The following RSRC1 variants were observed in gnomAD, a reference collection of about 807,000 sequenced individuals.
RSRC1 encodes the protein serine/Arginine-related protein 53.
Under a neutral mutation model 49.1 loss-of-function variants are expected in RSRC1, and 39 were observed. The ratio of observed to expected loss-of-function variants is 0.79; its 90% confidence interval spans 0.61 to 1.04. RSRC1 has a LOEUF of 1.04. Ranked by LOEUF, RSRC1 falls within the 50% of genes least tolerant of loss-of-function variation. The probability of loss-of-function intolerance (pLI) is 0.00; values close to 1 mark genes in which losing one functional copy is unlikely to be tolerated. For synonymous variants in RSRC1, 143 were observed against 130.8 expected (o/e 1.09, Z -0.63); for missense variants, 388 against 402.4 (o/e 0.96, Z 0.31).
At chr3:158,153,074 A>T (rs189458989) in intron 3 of RSRC1, among the ~76,000 whole-genome samples, 1 of 152,152 alleles carries the variant, frequency 6.6e-6, no homozygotes, top group Non-Finnish European at 1.5e-5. Flanking sequence ...TTTCCAGACA[A>T]CCTACCTCTG....
chr3:158,282,735 A>T (rs1726255881), intron 4 of RSRC1, among the ~76,000 whole-genome samples: 2 of 152,198 alleles, frequency 1.3e-5, no homozygotes, highest in African/African-American at 4.8e-5. Context: ...TTTGAGAAGA[A>T]GAGAATCTTG....
At chr3:158,331,210 A>G (rs1419371290) in intron 5 of RSRC1, among the ~76,000 whole-genome samples, 1 of 152,232 alleles carries the variant, frequency 6.6e-6, no homozygotes, top group Non-Finnish European at 1.5e-5. Flanking sequence ...CCATATCAAC[A>G]TCATTGGCTA....
chr3:158,153,325 A>G (rs1447042142), intron 3 of RSRC1, among the ~76,000 whole-genome samples: 1 of 152,164 alleles, frequency 6.6e-6, no homozygotes, highest in East Asian at 1.9e-4. Context: ...AGTTGCCAGT[A>G]GAGGCAATTC....
intron 7 of RSRC1, among the ~76,000 whole-genome samples, chr3:158,529,567 G>T (rs548708853): frequency 6.6e-6 from 1 of 151,836 alleles, no homozygotes; most frequent in African/African-American, 2.4e-5. Flanking sequence ...AGTGCTCAGC[G>T]CAGAGTGCCT....
rs562533157 is a variant in RSRC1 at position 158,361,407 on chromosome 3, G to A, written c.583+6499G>A. On this transcript the variant is annotated intron_variant, in intron 6 of 9. Transcript: ENST00000611884. ...AGCCACAGAGGCTCTGGGCCTTGGG[G>A]CGGGTCTCAACCAGCCATAGGAGGG... 2.6e-5 allele frequency among the ~76,000 whole-genome samples: 4 copies of A among 152,240 alleles called. No homozygotes were observed. In the East Asian group the frequency reaches 5.8e-4, roughly 22 times the overall value.
chr3:158,466,054 A>G (rs189370732), intron 7 of RSRC1, among the ~76,000 whole-genome samples: 1 of 152,306 alleles, frequency 6.6e-6, no homozygotes, highest in Admixed American at 6.5e-5. Flanking sequence ...AACTTGATTG[A>G]TAAATATTTT....
chr3:158,526,636 A>G (rs58891024), intron 7 of RSRC1, among the ~76,000 whole-genome samples: 43,624 of 151,836 alleles, frequency 0.29, 6,760 homozygotes, highest in South Asian at 0.41. Flanking sequence ...ATACATGTTA[A>G]CTAAATTAAT....
chr3:158,160,848 A>T (rs1718171582), intron 3 of RSRC1, among the ~76,000 whole-genome samples: 1 of 152,100 alleles, frequency 6.6e-6, no homozygotes, highest in South Asian at 2.1e-4. Context: ...ACTTTATTTG[A>T]TTGTCAGCAT....
intron 5 of RSRC1, among the ~76,000 whole-genome samples, chr3:158,321,838 C>G (rs1728780537): frequency 6.6e-6 from 1 of 152,052 alleles, no homozygotes; most frequent in African/African-American, 2.4e-5. Flanking sequence ...CAGTTTACCT[C>G]TGTGCTCCTC....
At chr3:158,302,007 G>A (rs1486237202) in intron 5 of RSRC1, among the ~76,000 whole-genome samples, 7 of 131,572 alleles carry the variant, frequency 5.3e-5, no homozygotes, top group Non-Finnish European at 1.2e-4. Context: ...TTTTTTTGTT[G>A]TTGTTAAACT....
chr3:158,247,090 TC>T (rs1245590153), intron 4 of RSRC1, among the ~76,000 whole-genome samples: 2 of 152,162 alleles, frequency 1.3e-5, no homozygotes, highest in African/African-American at 4.8e-5. Context: ...CATTCTTTTT[TC>T]TCTATTCTTG....
intron 6 of RSRC1, among the ~76,000 whole-genome samples, chr3:158,457,211 G>A (rs924064505): frequency 3.9e-5 from 6 of 152,030 alleles, no homozygotes; most frequent in African/African-American, 1.2e-4. Flanking sequence ...ATGAGGTCCC[G>A]AATGTGAGTA....
In RSRC1 at chr3:158,501,738, G is replaced by A. The variant is rs544294019; in HGVS notation, c.653-35354G>A. Reference sequence around the variant, plus strand: ...GCCCCTTTACTTTAAATTTGTGTGAGTCCTTATGTGTTAGGTAAGTCTCCT... The same window carrying A: ...GCCCCTTTACTTTAAATTTGTGTGAATCCTTATGTGTTAGGTAAGTCTCCT... On this transcript the variant is annotated intron_variant, in intron 7 of 9. Coordinates refer to ENST00000611884, the MANE Select transcript of RSRC1 (RefSeq NM_001271838.2). Among the ~76,000 whole-genome samples, 8 of 152,158 alleles carry A rather than the reference G, an allele frequency of 5.3e-5. 1 individual carries two copies. In the South Asian group the frequency reaches 1.7e-3, roughly 32 times the overall value.
At chr3:158,414,317 A>G (rs1734626899) in intron 6 of RSRC1, among the ~76,000 whole-genome samples, 1 of 152,080 alleles carries the variant, frequency 6.6e-6, no homozygotes, top group Non-Finnish European at 1.5e-5. Context: ...ACCAAACACC[A>G]CATGTTCTCA....
chr3:158,153,585 A>G (rs1717683201), intron 3 of RSRC1, among the ~76,000 whole-genome samples: 1 of 152,224 alleles, frequency 6.6e-6, no homozygotes, highest in African/African-American at 2.4e-5. Context: ...GCACTGTATT[A>G]AGGATAAATA....
chr3:158,450,270 TC>T (rs1297320101), intron 6 of RSRC1, among the ~76,000 whole-genome samples: 1 of 151,392 alleles, frequency 6.6e-6, no homozygotes, highest in Non-Finnish European at 1.5e-5. Flanking sequence ...TGTAAGGTTA[TC>T]CGATGAAAGT....
chr3:158,248,307 G>T (rs999621570), intron 4 of RSRC1, among the ~76,000 whole-genome samples: 1 of 152,148 alleles, frequency 6.6e-6, no homozygotes, highest in Non-Finnish European at 1.5e-5. Context: ...TTTTATTTGT[G>T]TCTAGCTTTT....
At position 158,359,046 on chromosome 3, in the gene RSRC1, C is replaced by A. The variant is rs149900469; in HGVS notation, c.583+4138C>A. The stretch of plus-strand genomic sequence containing the variant: ...GTGTGTATATGTACTTGTTTGAGTA[C>A]CTGTTTGGAGGTTTTTTAGGTGTAT... On this transcript the variant is annotated intron_variant, in intron 6 of 9. Transcript: ENST00000611884. 1.7e-3 allele frequency among the ~76,000 whole-genome samples: 262 copies of A among 151,682 alleles called. 1 individual carries two copies. The highest frequency in any genetic ancestry group is 3.5e-3 in the Admixed American group (54 of 15,242).
chr3:158,298,115 G>A, intron 5 of RSRC1, 40 bp downstream of exon 5: 1 of 1,432,504 alleles, frequency 7.0e-7, no homozygotes, highest in Non-Finnish European at 9.8e-7. Flanking sequence ...CATCATCTTT[G>A]ATATCTGCAT....
Sources: allele counts gnomAD v4.1 joint callset (sites outside exome capture counted in the v4.1 genomes callset), GRCh38; gene constraint gnomAD v4.1.1; transcripts MANE v1.5; gene names NCBI Gene and HGNC (gene_info 2026-07-23, HGNC 2026-07-21).